GRID2: variants seen among roughly 807,000 people sequenced by gnomAD.
The protein encoded by GRID2 is glutamate receptor ionotropic, delta-2.
In GRID2, 33 loss-of-function variants were observed where a neutral mutation model predicts 114.8. That is an observed-to-expected ratio of 0.29 (90% CI 0.22 to 0.38). The LOEUF (loss-of-function observed/expected upper bound fraction) is 0.38. Ranked by LOEUF, GRID2 falls within the 10% of genes least tolerant of loss-of-function variation. GRID2 has a pLI of 1.00. For synonymous variants in GRID2, 505 were observed against 449.9 expected, an observed-to-expected ratio of 1.12 and a Z score of -1.55; for missense variants, 1,184 against 1,257.7, an observed-to-expected ratio of 0.94 and a Z score of 0.89.
rs146093388 is a variant in GRID2 at position 93,501,908 on chromosome 4, T to C, written c.1997+11131T>C. On this transcript the variant is annotated intron_variant, in intron 12 of 15. Transcript: ENST00000282020. ...TTAAGCCTAGAAACCTATTAAGTGC[T>C]GTGCTCAAGAATATAAATTCCTGTC... Among the ~76,000 whole-genome samples, 30 of 152,246 alleles carry C rather than the reference T, an allele frequency of 2.0e-4. No homozygotes were observed. In the East Asian group the frequency reaches 5.6e-3, roughly 29 times the overall value.
intron 14 of GRID2, among the ~76,000 whole-genome samples, chr4:93,736,187 G>C (rs1730912355): frequency 6.6e-6 from 1 of 151,940 alleles, no homozygotes; most frequent in Non-Finnish European, 1.5e-5. Flanking sequence ...AGTTATACAT[G>C]ATGATGATGA....
chr4:93,347,900 AAAATTTATTATTTGGAG>A (rs1760401894), intron 8 of GRID2, among the ~76,000 whole-genome samples: 1 of 152,158 alleles, frequency 6.6e-6, no homozygotes, highest in Non-Finnish European at 1.5e-5. Flanking sequence ...AACAATATCA[AAAATTTATTATTTGGAG>A]AAATTTTCTA....
At chr4:92,828,594 T>C (rs537262029) in intron 2 of GRID2, among the ~76,000 whole-genome samples, 1 of 152,114 alleles carries the variant, frequency 6.6e-6, no homozygotes, top group Non-Finnish European at 1.5e-5. Flanking sequence ...TCATATTTGG[T>C]TATAAATGCC....
chr4:92,864,280 A>G (rs932545405), intron 2 of GRID2, among the ~76,000 whole-genome samples: 1 of 152,206 alleles, frequency 6.6e-6, no homozygotes, highest in African/African-American at 2.4e-5. Flanking sequence ...CCATGGGAAA[A>G]GAAGTTCTTT....
chr4:92,808,567 G>A (rs1470225725), intron 2 of GRID2, among the ~76,000 whole-genome samples: 4 of 152,028 alleles, frequency 2.6e-5, no homozygotes, highest in Admixed American at 2.6e-4. Flanking sequence ...AAACTTTCAA[G>A]TCAAAGTGAA....
intron 2 of GRID2, among the ~76,000 whole-genome samples, chr4:92,627,419 TTA>T (rs898582363): frequency 4.9e-4 from 74 of 152,110 alleles, no homozygotes; most frequent in African/African-American, 1.6e-3. Context: ...GGTGTATATG[TTA>T]TATATATGTG....
intron 2 of GRID2, among the ~76,000 whole-genome samples, chr4:92,913,824 C>T (rs542524287): frequency 2.6e-5 from 4 of 151,940 alleles, no homozygotes; most frequent in Admixed American, 1.3e-4. Flanking sequence ...TAAAGTGAAA[C>T]GACTCAAATT....
At chr4:93,352,698 T>C (rs1332459124) in intron 8 of GRID2, among the ~76,000 whole-genome samples, 2 of 152,026 alleles carry the variant, frequency 1.3e-5, no homozygotes, top group Non-Finnish European at 2.9e-5. Context: ...TAGAAATATT[T>C]ATCCATGGGC....
chr4:92,593,180 A>G (rs551421937), intron 2 of GRID2, among the ~76,000 whole-genome samples: 67 of 152,138 alleles, frequency 4.4e-4, no homozygotes, highest in African/African-American at 1.6e-3. Flanking sequence ...TTCAAATTTG[A>G]AAGTCTCATC....
intron 13 of GRID2, among the ~76,000 whole-genome samples, chr4:93,522,611 A>T (rs1300554756): frequency 6.6e-6 from 1 of 152,158 alleles, no homozygotes; most frequent in Non-Finnish European, 1.5e-5. Context: ...AATCTGTGCT[A>T]TATAAAAGGA....
intron 2 of GRID2, among the ~76,000 whole-genome samples, chr4:92,919,549 G>A (rs1039475933): frequency 1.6e-4 from 25 of 152,256 alleles, no homozygotes; most frequent in East Asian, 1.4e-3. Context: ...CTGGTATGTT[G>A]TGTCTTTGTT....
chr4:92,482,554 T>C (rs540157546), intron 1 of GRID2, among the ~76,000 whole-genome samples: 1 of 152,336 alleles, frequency 6.6e-6, no homozygotes, highest in South Asian at 2.1e-4. Context: ...TTTGACTCCA[T>C]TTAGTTATGT....
At chr4:93,720,030 A>C (rs573388431) in intron 14 of GRID2, among the ~76,000 whole-genome samples, 1 of 152,308 alleles carries the variant, frequency 6.6e-6, no homozygotes, top group South Asian at 2.1e-4. Flanking sequence ...TCATCATAGA[A>C]TCCTTAAATA....
At chr4:93,516,301 A>G (rs1729725971) in intron 13 of GRID2, among the ~76,000 whole-genome samples, 1 of 152,142 alleles carries the variant, frequency 6.6e-6, no homozygotes, top group African/African-American at 2.4e-5. Context: ...TGATGACTAT[A>G]AAAATTATTC....
At chr4:92,709,860 T>A (rs1735153266) in intron 2 of GRID2, among the ~76,000 whole-genome samples, 1 of 151,862 alleles carries the variant, frequency 6.6e-6, no homozygotes, top group African/African-American at 2.4e-5. Flanking sequence ...TCTATTAGAT[T>A]TCTTGATGCC....
At chr4:93,637,018 T>C (rs1020294164) in intron 14 of GRID2, among the ~76,000 whole-genome samples, 1 of 152,128 alleles carries the variant, frequency 6.6e-6, no homozygotes, top group Non-Finnish European at 1.5e-5. Context: ...GTCATGTCAA[T>C]ATATTACATA....
At chr4:92,842,191 G>A (rs1185059031) in intron 2 of GRID2, among the ~76,000 whole-genome samples, 1 of 152,086 alleles carries the variant, frequency 6.6e-6, no homozygotes, top group Non-Finnish European at 1.5e-5. Context: ...GGGTTTTGGT[G>A]CTACTGTACA....
intron 2 of GRID2, among the ~76,000 whole-genome samples, chr4:92,703,356 A>C (rs1423152239): frequency 1.3e-5 from 2 of 152,178 alleles, no homozygotes; most frequent in Non-Finnish European, 2.9e-5. Flanking sequence ...GGGAAAGAAC[A>C]TAAAATAGTT....
intron 8 of GRID2, among the ~76,000 whole-genome samples, chr4:93,380,487 AT>A (rs1763750032): frequency 6.6e-6 from 1 of 150,904 alleles, no homozygotes; most frequent in Non-Finnish European, 1.5e-5. Context: ...AGTTTGCCTT[AT>A]TTTCCAAAGC....
Sources: allele counts gnomAD v4.1 joint callset (sites outside exome capture counted in the v4.1 genomes callset), GRCh38; gene constraint gnomAD v4.1.1; transcripts MANE v1.5; gene names NCBI Gene and HGNC (gene_info 2026-07-23, HGNC 2026-07-21).